Variants in ZNF112 observed in about 807,000 individuals in gnomAD.
ZNF112 encodes the protein zinc finger protein 112, also known as zinc finger protein 112 (Y14).
A neutral mutation model predicts 77.7 loss-of-function variants in ZNF112; 37 were observed. The observed-to-expected ratio is 0.48, with a 90% CI of 0.37 to 0.63. ZNF112 has a LOEUF of 0.63. ZNF112 is among the 20% of genes least tolerant of loss of function. The pLI, the probability that ZNF112 is intolerant of heterozygous loss-of-function variation, is 0.00. For synonymous variants in ZNF112, 333 were observed against 363.6 expected, an observed-to-expected ratio of 0.92 and a Z score of 0.96; for missense variants, 950 against 1,077.4, an observed-to-expected ratio of 0.88 and a Z score of 1.66.
At chr19:44,346,246 C>G (rs1970587902) in intron 1 of ZNF112, among the ~76,000 whole-genome samples, 1 of 152,220 alleles carries the variant, frequency 6.6e-6, no homozygotes. Context: ...GCAGCATAAA[C>G]TGACACACAT....
chr19:44,339,024 G>A (rs1375600501), intron 2 of ZNF112, among the ~76,000 whole-genome samples: 1 of 152,164 alleles, frequency 6.6e-6, no homozygotes, highest in Admixed American at 6.5e-5. Context: ...TTGCACCACT[G>A]CACTCCAGCC....
In ZNF112 at chr19:44,345,780, G is replaced by A. The variant is rs1033590192; in HGVS notation, c.-3-5238C>T. ...CTTCTCTCCCCTTTGATCTCCAGCC[G>A]TGTCAATCACTTGATCTCATAAAAG... On this transcript the variant is annotated intron_variant, in intron 1 of 3. Transcript: ENST00000354340. 5.9e-5 allele frequency among the ~76,000 whole-genome samples: 9 copies of A among 152,046 alleles called. No individual in the cohort carries two copies. In the East Asian group the frequency reaches 1.2e-3, roughly 20 times the overall value.
chr19:44,361,088 A>G (rs183733195), upstream of ZNF112, among the ~76,000 whole-genome samples: 1 of 152,336 alleles, frequency 6.6e-6, no homozygotes, highest in East Asian at 1.9e-4. Flanking sequence ...TAACTAGACA[A>G]ACCCAGTAGA....
intron 1 of ZNF112, among the ~76,000 whole-genome samples, chr19:44,341,570 T>C (rs10418753): frequency 0.016 from 2,389 of 152,334 alleles, 70 homozygotes; most frequent in African/African-American, 0.054. Context: ...AAAAAATCTT[T>C]CATAATCTCA....
chr19:44,364,168 C>T (rs2123231680), intron 1 of ZNF112, among the ~76,000 whole-genome samples: 1 of 152,216 alleles, frequency 6.6e-6, no homozygotes, highest in Non-Finnish European at 1.5e-5. Context: ...CCTCGGCCTC[C>T]CAAAGTACTG....
chr19:44,345,760 C>A (rs796642863), intron 1 of ZNF112, among the ~76,000 whole-genome samples: 8 of 152,302 alleles, frequency 5.3e-5, no homozygotes, highest in African/African-American at 1.9e-4. Flanking sequence ...CAAATCTTCT[C>A]TCCCCTTTGA....
chr19:44,358,336 T>G (rs1379450729), upstream of ZNF112, among the ~76,000 whole-genome samples: 1 of 152,172 alleles, frequency 6.6e-6, no homozygotes, highest in African/African-American at 2.4e-5. Context: ...GACAGAATAA[T>G]ACTTTGTGTA....
chr19:44,328,185 G>T lies in ZNF112; in HGVS notation c.1972C>A (p.Pro658Thr). The T allele has an allele frequency of 6.2e-7, 1 of 1,613,996 alleles. No homozygotes were observed. Among genetic ancestry groups the T allele is most frequent in the Non-Finnish European group, 8.5e-7 (1 of 1,179,980 alleles). The change falls in exon 4 of 4, where the codon CCC becomes ACC. Residue 658 changes from proline to threonine, a missense_variant. This residue lies in a region of ZNF112 where 373 missense variants were observed against 482.8 expected (regional missense o/e 0.77). Transcript: ENST00000354340. ...IHQRVHTGEK[P>T]YKCEECGKGF... ...TTACCACATTCTTCACATTTATAGGGTTTTTCTCCTGTGTGAACCCTCTGA... is the reference window on the plus strand; with the variant it reads ...TTACCACATTCTTCACATTTATAGGTTTTTTCTCCTGTGTGAACCCTCTGA...
chr19:44,330,109 T>G (rs577724191), intron 3 of ZNF112, among the ~76,000 whole-genome samples, 173 bp from the exon 4 acceptor site: 1 of 152,264 alleles, frequency 6.6e-6, no homozygotes, highest in South Asian at 2.1e-4. Context: ...CAGTTACAGG[T>G]TGAGTATTCT....
chr19:44,344,345 A>G (rs1013343303), intron 1 of ZNF112, among the ~76,000 whole-genome samples: 3 of 152,118 alleles, frequency 2.0e-5, no homozygotes, highest in Non-Finnish European at 4.4e-5. Context: ...GTTCTCAGGC[A>G]ACATTAAGGC....
chr19:44,342,162 A>G (rs372502727), intron 1 of ZNF112, among the ~76,000 whole-genome samples: 15 of 152,370 alleles, frequency 9.8e-5, no homozygotes, highest in East Asian at 9.6e-4. Context: ...TTAATACATG[A>G]ATAATGAAAC....
At chr19:44,351,153 T>C (rs1251378009) in intron 1 of ZNF112, among the ~76,000 whole-genome samples, 1 of 152,110 alleles carries the variant, frequency 6.6e-6, no homozygotes, top group African/African-American at 2.4e-5. Context: ...GCTTCTGTTA[T>C]CATGTCACTT....
chr19:44,353,798 T>C (rs1970735349), intron 1 of ZNF112, among the ~76,000 whole-genome samples: 1 of 152,064 alleles, frequency 6.6e-6, no homozygotes, highest in African/African-American at 2.4e-5. Context: ...GAATGCAAAA[T>C]GGTACAGATA....
In ZNF112 at chr19:44,328,485, G is replaced by A. The variant is rs775669930; in HGVS notation, c.1672C>T (p.Arg558Trp). The A allele has an allele frequency of 1.9e-5, 30 of 1,613,056 alleles. No homozygotes were observed. Among genetic ancestry groups the A allele is most frequent in the Non-Finnish European group, 2.4e-5 (28 of 1,179,642 alleles). ...KCEECDKGFS[R>W]SSYLQAHQRV... ...TGATGGGCTTGAAGATATGAACTCC[G>A]ACTGAATCCCTTATCACATTCCTCG... is the stretch of plus-strand genomic sequence containing the variant. The change falls in exon 4 of 4, where the codon CGG (arginine) becomes TGG (tryptophan). Residue 558 changes from arginine to tryptophan, a missense_variant. Arg to Trp is a moderately radical substitution (Grantham distance 101). Transcript: ENST00000354340.
intron 1 of ZNF112, among the ~76,000 whole-genome samples, chr19:44,342,843 A>T (rs1000194691): frequency 1.3e-5 from 2 of 151,878 alleles, no homozygotes; most frequent in Non-Finnish European, 2.9e-5. Context: ...GAAAAAGAAA[A>T]GGGGGAGAGG....
chr19:44,366,008 ACAGT>A lies in ZNF112; in HGVS notation c.17+1069_17+1072del, dbSNP rs1399533906. ...CATTACAAAATGAAGCTCCAAAGAA[ACAGT>A]CAGTTATGTATACACTGTAGTGAAC... On this transcript the variant is annotated intron_variant, in intron 1 of 4. Coordinates refer to the ZNF112 transcript ENST00000588057. Among the ~76,000 whole-genome samples, 8 of 152,242 alleles carry A rather than the reference ACAGT, an allele frequency of 5.3e-5. No homozygotes were observed. In the East Asian group the frequency reaches 7.7e-4, roughly 15 times the overall value.
intron 1 of ZNF112, among the ~76,000 whole-genome samples, chr19:44,349,730 GAATT>G (rs1327578436): frequency 6.6e-6 from 1 of 152,048 alleles, no homozygotes; most frequent in African/African-American, 2.4e-5. Context: ...TACCAGTGAT[GAATT>G]AATTAAATCA....
chr19:44,340,026 T>C (rs1376243732), intron 2 of ZNF112, among the ~76,000 whole-genome samples: 1 of 152,272 alleles, frequency 6.6e-6, no homozygotes, highest in South Asian at 2.1e-4. Flanking sequence ...AGGTAGAATC[T>C]TGGCGAATCT....
Position 44,329,901 on chromosome 19 carries a change from C to T in ZNF112, c.256G>A (p.Glu86Lys). 6.2e-7 allele frequency: 1 copy of T among 1,613,452 alleles called. No individual in the cohort carries two copies. The highest frequency in any genetic ancestry group is 1.1e-5 in the South Asian group (1 of 91,038). The change falls in exon 4 of 4, where the codon GAA becomes AAA. Residue 86 changes from glutamate (E) to lysine (K), a missense_variant. This residue lies in a region of ZNF112 where 560 missense variants were observed against 557.3 expected (regional missense o/e 1.00). Coordinates refer to ENST00000354340, the MANE Select transcript of ZNF112 (RefSeq NM_013380.4). ...GGGGAAAAGTAGCTTACTGTTACTT[C>T]CTGAATACTCTCCATCTTTTGTTGA... is the stretch of plus-strand genomic sequence containing the variant. ...KNQQKMESIQ[E>K]VTVSYFSPKE...
Sources: gnomAD v4.1 joint callset for allele counts (sites outside exome capture counted in the v4.1 genomes callset) on GRCh38, gnomAD v4.1.1 for gene constraint, gnomAD v4.1.1 regional missense constraint, MANE v1.5 for transcripts, NCBI Gene and HGNC (gene_info 2026-07-23, HGNC 2026-07-21) for gene names.